The following RNF6 variants were observed in gnomAD, a reference collection of about 807,000 sequenced individuals.
RNF6 encodes ring finger protein 6.
RNF6 carries 21 observed loss-of-function variants against 50.1 expected under a neutral mutation model. The ratio of observed to expected loss-of-function variants is 0.42; its 90% CI spans 0.30 to 0.60. The LOEUF (loss-of-function observed/expected upper bound fraction) is 0.60, where lower values mean the gene tolerates loss of function less well. Among genes scored for constraint, RNF6 ranks in the 20% least tolerant of loss-of-function variants. RNF6 has a pLI of 0.20. For missense variants in RNF6, 698 were observed against 838.2 expected, an observed-to-expected ratio of 0.83 and a Z score of 2.07; for synonymous variants, 255 against 291.8, an observed-to-expected ratio of 0.87 and a Z score of 1.29.
chr13:26,133,902 G>A lies in RNF6; in HGVS notation n.769-1451C>T, dbSNP rs117393781. On this transcript the variant is annotated intron_variant and non_coding_transcript_variant, in intron 5 of 5. Transcript: ENST00000468480. ...CTTCCTGGTTTTTGATATATATGAC[G>A]AAGATTTTCAATTGAAACCTAGATG... 4.2e-3 allele frequency among the ~76,000 whole-genome samples: 643 copies of A among 152,110 alleles called. 2 individuals carry two copies. The highest frequency in any genetic ancestry group is 7.0e-3 in the Non-Finnish European group (475 of 67,990).
chr13:26,169,588 ATCT>A (rs1872599795), intron 5 of RNF6, among the ~76,000 whole-genome samples: 1 of 152,052 alleles, frequency 6.6e-6, no homozygotes, highest in African/African-American at 2.4e-5. Flanking sequence ...ATATATATAA[ATCT>A]TCTTAAGAGT....
chr13:26,164,580 A>G (rs560935728), intron 5 of RNF6, among the ~76,000 whole-genome samples: 1 of 152,150 alleles, frequency 6.6e-6, no homozygotes, highest in South Asian at 2.1e-4. Flanking sequence ...CATACATTCA[A>G]TATCATCTTT....
At chr13:26,171,677 G>A (rs1420467915) in intron 5 of RNF6, among the ~76,000 whole-genome samples, 1 of 152,158 alleles carries the variant, frequency 6.6e-6, no homozygotes, top group South Asian at 2.1e-4. Context: ...TGGATGAAAT[G>A]TGGTACAAAA....
At chr13:26,169,416 G>C (rs1301716149) in intron 5 of RNF6, among the ~76,000 whole-genome samples, 2 of 152,120 alleles carry the variant, frequency 1.3e-5, no homozygotes, top group African/African-American at 4.8e-5. Context: ...GACCAGAGAG[G>C]AGCTCCCTGA....
At chr13:26,200,325 TC>T (rs1384114997) in intron 5 of RNF6, among the ~76,000 whole-genome samples, 1 of 152,132 alleles carries the variant, frequency 6.6e-6, no homozygotes. Flanking sequence ...GGAATTCTCA[TC>T]CCAGGCTTGG....
chr13:26,184,970 A>G (rs1448794234), intron 5 of RNF6, among the ~76,000 whole-genome samples: 2 of 151,116 alleles, frequency 1.3e-5, no homozygotes, highest in African/African-American at 4.9e-5. Context: ...TAGAACTTGT[A>G]GGTATTGTTA....
At chr13:26,175,199 G>GTC (rs1872894439) in intron 5 of RNF6, among the ~76,000 whole-genome samples, 1 of 152,118 alleles carries the variant, frequency 6.6e-6, no homozygotes, top group South Asian at 2.1e-4. Flanking sequence ...TCTTGCCTCA[G>GTC]CCCCCCGAGT....
At chr13:26,139,903 A>G (rs1870847222) in intron 5 of RNF6, among the ~76,000 whole-genome samples, 1 of 151,966 alleles carries the variant, frequency 6.6e-6, no homozygotes, top group Non-Finnish European at 1.5e-5. Flanking sequence ...AGCTCACTGT[A>G]ATCTTGAACT....
intron 1 of RNF6, chr13:26,221,617 T>A (rs1870509347): frequency 6.6e-6 from 1 of 152,212 alleles, no homozygotes; most frequent in African/African-American, 2.4e-5. Context: ...CATTCGGATG[T>A]TACCAGGGTT....
At chr13:26,145,335 T>C (rs1377000140) in intron 5 of RNF6, among the ~76,000 whole-genome samples, 1 of 152,120 alleles carries the variant, frequency 6.6e-6, no homozygotes. Context: ...TCTGCATCTT[T>C]CAAGTCCTTG....
At chr13:26,202,015 A>G (rs948997706) in intron 5 of RNF6, among the ~76,000 whole-genome samples, 2 of 152,138 alleles carry the variant, frequency 1.3e-5, no homozygotes, top group Admixed American at 6.5e-5. Flanking sequence ...TGGAAGAAAG[A>G]GCGGTTTGTG....
chr13:26,147,238 C>T (rs1405992715), intron 5 of RNF6, among the ~76,000 whole-genome samples: 1 of 152,142 alleles, frequency 6.6e-6, no homozygotes, highest in Non-Finnish European at 1.5e-5. Context: ...AGTACATGCC[C>T]TCATTGGTAC....
chr13:26,214,333 G>A lies in RNF6; in HGVS notation c.1549C>T (p.His517Tyr), dbSNP rs1869593418. The A allele has an allele frequency of 6.2e-7, 1 of 1,614,118 alleles. No homozygotes were observed. Among genetic ancestry groups the A allele is most frequent in the Non-Finnish European group, 8.5e-7 (1 of 1,180,038 alleles). ...QRNGQHLPDM[H>Y]SELSNLGTDN... ...GTACCTAAGTTACTCAGTTCTGAGT[G>A]CATGTCTGGTAAATGCTGGCCATTT... The change falls in exon 5 of 5, where the codon CAC becomes TAC. Residue 517 changes from histidine (H) to tyrosine (Y), a missense_variant. His to Tyr is a moderately conservative substitution (Grantham distance 83). Coordinates refer to ENST00000381588, the MANE Select transcript of RNF6 (RefSeq NM_005977.4).
At position 26,218,494 on chromosome 13, in the gene RNF6, A is replaced by G. The variant is rs372565610; in HGVS notation, c.289+17T>C. The G allele has an allele frequency of 4.4e-6, 7 of 1,593,008 alleles. No homozygotes were observed. Among genetic ancestry groups the G allele is most frequent in the East Asian group, 2.2e-5 (1 of 44,710 alleles). ...CTCCAATCAAGCCTGTTCCTTATGG[A>G]AAGGACTCCATAGTACCTCTGTAAT... On this transcript the variant is annotated intron_variant, in intron 4 of 4. Transcript: ENST00000381588.
intron 5 of RNF6, among the ~76,000 whole-genome samples, chr13:26,173,073 C>T (rs1333275063): frequency 6.6e-6 from 1 of 152,130 alleles, no homozygotes; most frequent in Non-Finnish European, 1.5e-5. Flanking sequence ...AAATTAAAGA[C>T]GAGGACAATG....
At chr13:26,148,482 C>A (rs889990137) in intron 5 of RNF6, among the ~76,000 whole-genome samples, 2 of 151,160 alleles carry the variant, frequency 1.3e-5, no homozygotes. Flanking sequence ...ATTTTTAAAT[C>A]TAATCATATT....
In RNF6 at chr13:26,199,090, C is replaced by T. The variant is rs138410419; in HGVS notation, n.768+16384G>A. ...GATTCAGTGCAATCCCACTCAAAATCCCAATGTTCTTTTACATAGACATTA... is the reference window on the plus strand; with the variant it reads ...GATTCAGTGCAATCCCACTCAAAATTCCAATGTTCTTTTACATAGACATTA... On this transcript the variant is annotated intron_variant and non_coding_transcript_variant, in intron 5 of 5. Coordinates refer to the RNF6 transcript ENST00000468480. Among the ~76,000 whole-genome samples, 297 of 151,828 alleles carry T rather than the reference C, an allele frequency of 2.0e-3. 5 individuals carry two copies. The South Asian group carries it at 0.026, about 13-fold the overall frequency.
chr13:26,199,206 C>A (rs1868799166), intron 5 of RNF6, among the ~76,000 whole-genome samples: 1 of 149,878 alleles, frequency 6.7e-6, no homozygotes, highest in Non-Finnish European at 1.5e-5. Flanking sequence ...ATAGAACAGA[C>A]TAGGAAGCCT....
At chr13:26,132,760 A>C (rs2137537180) in intron 5 of RNF6, among the ~76,000 whole-genome samples, 1 of 152,354 alleles carries the variant, frequency 6.6e-6, no homozygotes, top group East Asian at 1.9e-4. Context: ...TGATACATTT[A>C]TGTATGTAGC....
Sources: gnomAD v4.1 joint callset for allele counts (sites outside exome capture counted in the v4.1 genomes callset) on GRCh38, gnomAD v4.1.1 for gene constraint, MANE v1.5 for transcripts, NCBI Gene and HGNC (gene_info 2026-07-23, HGNC 2026-07-21) for gene names.